Variants in PUDP observed in about 807,000 individuals in gnomAD.
PUDP encodes pseudouridine-5'-phosphatase.
A neutral mutation model predicts 9.4 loss-of-function variants in PUDP; 8 were observed. That is an observed-to-expected ratio of 0.85 (90% CI 0.50 to 1.53). The LOEUF (loss-of-function observed/expected upper bound fraction) is 1.53. PUDP is among the 40% of genes most tolerant of loss of function. PUDP has a pLI of 0.00. For synonymous variants in PUDP, 99 were observed against 80.7 expected, an observed-to-expected ratio of 1.23 and a Z score of -1.22; for missense variants, 188 against 189.7, an observed-to-expected ratio of 0.99 and a Z score of 0.05.
intron 3 of PUDP, among the ~76,000 whole-genome samples, chrX:6,841,370 T>A (rs910838171): frequency 9.1e-6 from 1 of 110,046 alleles, no homozygotes; most frequent in Non-Finnish European, 1.9e-5. Flanking sequence ...GGCGGGTGGA[T>A]GAGTTGAGCC....
intron 1 of PUDP, among the ~76,000 whole-genome samples, chrX:6,987,778 C>T (rs1442078686): frequency 1.8e-5 from 2 of 112,404 alleles, no homozygotes; most frequent in Non-Finnish European, 3.8e-5. Flanking sequence ...ATATTTACTA[C>T]CTGGCTTTTA....
Position 6,767,683 on chromosome X carries a change from G to A in PUDP, c.*248-61217C>T, listed in dbSNP as rs774779265. Among the ~76,000 whole-genome samples the A allele has an allele frequency of 4.5e-5, 5 of 112,007 alleles. No individual in the cohort carries two copies. The South Asian group carries it at 1.9e-3, about 42-fold the overall frequency. On this transcript the variant is annotated intron_variant and NMD_transcript_variant, in intron 3 of 3. Transcript: ENST00000655425. ...AGTGAAGAAAGATTCAAATTTGCTT[G>A]AAGTTCTTTTTCATAATGGAGTGGG... is the stretch of plus-strand genomic sequence containing the variant.
intron 3 of PUDP, among the ~76,000 whole-genome samples, chrX:7,076,309 A>G (rs1034656241): frequency 5.4e-5 from 6 of 111,712 alleles, no homozygotes; most frequent in African/African-American, 2.0e-4. Flanking sequence ...CTTCCCCACA[A>G]ACCACAAAAG....
At chrX:6,924,738 G>A (rs764819437) in intron 3 of PUDP, among the ~76,000 whole-genome samples, 1 of 112,128 alleles carries the variant, frequency 8.9e-6, no homozygotes, top group Non-Finnish European at 1.9e-5. Context: ...TCAAATTTTG[G>A]ATTTGAGGAT....
chrX:6,911,842 T>A (rs1290641506), intron 3 of PUDP, among the ~76,000 whole-genome samples: 3 of 112,173 alleles, frequency 2.7e-5, no homozygotes, highest in Non-Finnish European at 5.6e-5. Flanking sequence ...AAGCCACCAA[T>A]GTGCAATTTT....
chrX:6,939,522 GAC>G (rs1487267885), intron 3 of PUDP, among the ~76,000 whole-genome samples: 6 of 109,161 alleles, frequency 5.5e-5, no homozygotes, highest in African/African-American at 2.0e-4. Flanking sequence ...TTATAAAAAA[GAC>G]ATATTTATTA....
intron 3 of PUDP, among the ~76,000 whole-genome samples, chrX:6,735,607 A>G (rs1298055023): frequency 5.3e-5 from 6 of 112,225 alleles, no homozygotes; most frequent in Non-Finnish European, 1.1e-4. Context: ...AAGAAATAAA[A>G]TATTACTAAC....
intron 2 of PUDP, among the ~76,000 whole-genome samples, chrX:7,091,439 A>G (rs1444513214): frequency 9.0e-6 from 1 of 111,659 alleles, no homozygotes; most frequent in African/African-American, 3.3e-5. Context: ...CCCTAGTTCA[A>G]GCAATTCTCC....
chrX:6,910,790 G>A (rs1471530690), intron 3 of PUDP, among the ~76,000 whole-genome samples: 1 of 112,248 alleles, frequency 8.9e-6, no homozygotes, highest in African/African-American at 3.2e-5. Flanking sequence ...CCATTCCTAT[G>A]CATAAATTTA....
chrX:6,822,085 A>G (rs977537056), intron 3 of PUDP, among the ~76,000 whole-genome samples: 2 of 111,520 alleles, frequency 1.8e-5, no homozygotes, highest in African/African-American at 3.3e-5. Context: ...CACTCTCTGC[A>G]GCAGAAAGAG....
chrX:6,909,339 C>T (rs1024079888), intron 3 of PUDP, among the ~76,000 whole-genome samples: 1 of 111,565 alleles, frequency 9.0e-6, no homozygotes. Context: ...TATGGTAGTA[C>T]TTTGAGTATG....
intron 2 of PUDP, among the ~76,000 whole-genome samples, chrX:7,082,406 C>A (rs752643287): frequency 8.9e-6 from 1 of 112,537 alleles, no homozygotes; most frequent in South Asian, 3.7e-4. Context: ...CAGAACCCTA[C>A]AAGCCTGAAC....
At chrX:6,846,189 G>A (rs757286939) in intron 3 of PUDP, among the ~76,000 whole-genome samples, 1 of 110,583 alleles carries the variant, frequency 9.0e-6, no homozygotes, top group African/African-American at 3.3e-5. Context: ...CGGATCACGA[G>A]GTCAGGAGAT....
At chrX:7,139,707 C>T (rs545191818) in intron 1 of PUDP, among the ~76,000 whole-genome samples, 238 of 112,177 alleles carry the variant, frequency 2.1e-3, no homozygotes, top group South Asian at 4.9e-3. Flanking sequence ...CTTGCTCTGT[C>T]CTTGAACAGC....
intron 3 of PUDP, among the ~76,000 whole-genome samples, chrX:6,935,128 C>T (rs1368468375): frequency 5.0e-4 from 51 of 101,084 alleles, no homozygotes; most frequent in Non-Finnish European, 7.0e-4. Context: ...CTGCACCAAG[C>T]GGACCTAATA....
intron 2 of PUDP, among the ~76,000 whole-genome samples, chrX:7,082,155 C>G (rs1931112986): frequency 8.9e-6 from 1 of 112,148 alleles, no homozygotes; most frequent in Non-Finnish European, 1.9e-5. Flanking sequence ...ATCTAGGTAT[C>G]TGTTGCTCCA....
intron 3 of PUDP, among the ~76,000 whole-genome samples, chrX:6,806,703 C>T: frequency 9.0e-6 from 1 of 111,316 alleles, no homozygotes; most frequent in Non-Finnish European, 1.9e-5. Context: ...AGACTGACTT[C>T]CAGGAAGCAT....
At chrX:6,933,199 C>T (rs1290215166) in intron 3 of PUDP, among the ~76,000 whole-genome samples, 1 of 107,962 alleles carries the variant, frequency 9.3e-6, no homozygotes, top group Non-Finnish European at 1.9e-5. Context: ...GACCCCTGAC[C>T]CCTGACCCCT....
chrX:6,755,156 A>G (rs1489320207), intron 3 of PUDP, among the ~76,000 whole-genome samples: 1 of 111,301 alleles, frequency 9.0e-6, no homozygotes, highest in Non-Finnish European at 1.9e-5. Flanking sequence ...AGGTGAATGA[A>G]TAACAATATG....
Sources: allele counts gnomAD v4.1 joint callset (sites outside exome capture counted in the v4.1 genomes callset), GRCh38; gene constraint gnomAD v4.1.1; transcripts MANE v1.5; gene names NCBI Gene and HGNC (gene_info 2026-07-23, HGNC 2026-07-21).